The following RBFOX1 variants were observed in gnomAD, a reference collection of about 807,000 sequenced individuals.
The protein encoded by RBFOX1 is RNA binding protein fox-1 homolog 1.
Under a neutral mutation model 57.7 loss-of-function variants are expected in RBFOX1, and 8 were observed. The ratio of observed to expected loss-of-function variants is 0.14; its 90% CI spans 0.08 to 0.25. The LOEUF is 0.25. Among genes scored for constraint, RBFOX1 ranks in the 10% least tolerant of loss-of-function variants. The pLI, the probability that RBFOX1 is intolerant of heterozygous loss-of-function variation, is 1.00. For synonymous variants in RBFOX1, 326 were observed against 222.4 expected (o/e 1.47, Z -4.15); for missense variants, 611 against 548.5 (o/e 1.11, Z -1.14).
intron 1 of RBFOX1, among the ~76,000 whole-genome samples, chr16:6,198,622 C>T (rs1336468830): frequency 6.6e-6 from 1 of 152,044 alleles, no homozygotes; most frequent in Non-Finnish European, 1.5e-5. Context: ...TTTAAATAGA[C>T]TTTTATGATT....
At chr16:6,595,732 C>G (rs1200092787) in intron 2 of RBFOX1, among the ~76,000 whole-genome samples, 1 of 152,080 alleles carries the variant, frequency 6.6e-6, no homozygotes, top group African/African-American at 2.4e-5. Flanking sequence ...TATTATTTCT[C>G]TTTGACAATA....
At chr16:6,872,898 A>G (rs941775255) in intron 3 of RBFOX1, among the ~76,000 whole-genome samples, 1 of 152,210 alleles carries the variant, frequency 6.6e-6, no homozygotes, top group African/African-American at 2.4e-5. Flanking sequence ...TGCTATTAGG[A>G]AGAAAGCCAT....
chr16:5,540,931 C>T (rs1206605577), intron 2 of RBFOX1, among the ~76,000 whole-genome samples: 4 of 151,822 alleles, frequency 2.6e-5, no homozygotes, highest in East Asian at 3.9e-4. Flanking sequence ...CTCACTGCAA[C>T]CTCCACCTCC....
intron 4 of RBFOX1, among the ~76,000 whole-genome samples, chr16:7,240,319 A>C (rs139860756): frequency 6.6e-6 from 1 of 152,120 alleles, no homozygotes; most frequent in African/African-American, 2.4e-5. Flanking sequence ...AGCAGTGTTC[A>C]TCAGGTAGTG....
At chr16:6,509,486 A>G (rs2096201741) in intron 2 of RBFOX1, among the ~76,000 whole-genome samples, 1 of 152,184 alleles carries the variant, frequency 6.6e-6, no homozygotes, top group South Asian at 2.1e-4. Flanking sequence ...AACACTTAAA[A>G]TAATTGAACT....
At chr16:5,548,313 C>G (rs1451955423) in intron 2 of RBFOX1, among the ~76,000 whole-genome samples, 2 of 150,350 alleles carry the variant, frequency 1.3e-5, no homozygotes, top group African/African-American at 4.9e-5. Flanking sequence ...ATTTGTACTG[C>G]AAACTTCAGT....
At chr16:6,807,480 G>A (rs75335234) in intron 3 of RBFOX1, among the ~76,000 whole-genome samples, 3,026 of 152,176 alleles carry the variant, frequency 0.02, 106 homozygotes, top group African/African-American at 0.07. Flanking sequence ...GGGGTCCTGA[G>A]TTCTGCACTC....
intron 3 of RBFOX1, among the ~76,000 whole-genome samples, chr16:6,788,936 C>G (rs1209191323): frequency 1.3e-5 from 2 of 152,144 alleles, no homozygotes; most frequent in Admixed American, 6.5e-5. Flanking sequence ...TTCCCGAGTT[C>G]CTCCTAGCAT....
At chr16:7,307,514 A>G (rs1180140150) in intron 4 of RBFOX1, among the ~76,000 whole-genome samples, 1 of 152,230 alleles carries the variant, frequency 6.6e-6, no homozygotes, top group Non-Finnish European at 1.5e-5. Flanking sequence ...TATTTGACTT[A>G]TCCTGTTTCA....
At chr16:6,935,228 G>T (rs562417985) in intron 3 of RBFOX1, among the ~76,000 whole-genome samples, 127 of 152,284 alleles carry the variant, frequency 8.3e-4, no homozygotes, top group African/African-American at 2.8e-3. Flanking sequence ...CAGAATTAGG[G>T]GAGGCAGCAG....
chr16:6,738,112 G>C (rs1464277166), intron 3 of RBFOX1, among the ~76,000 whole-genome samples: 1 of 148,060 alleles, frequency 6.8e-6, no homozygotes, highest in Non-Finnish European at 1.5e-5. Flanking sequence ...TTTTCCTCTT[G>C]TCAAGATGGT....
chr16:6,186,155 C>G (rs1238568384), intron 1 of RBFOX1, among the ~76,000 whole-genome samples: 1 of 152,078 alleles, frequency 6.6e-6, no homozygotes, highest in African/African-American at 2.4e-5. Context: ...CTCAACAAAA[C>G]AATGCCAAAA....
intron 1 of RBFOX1, among the ~76,000 whole-genome samples, chr16:5,258,413 A>G (rs1596322558): frequency 7.5e-6 from 1 of 133,542 alleles, no homozygotes; most frequent in Non-Finnish European, 1.6e-5. Flanking sequence ...ACATGAGGGC[A>G]TTTTTTATAT....
At chr16:6,331,545 C>A (rs11639607) in intron 2 of RBFOX1, among the ~76,000 whole-genome samples, 19,034 of 147,764 alleles carry the variant, frequency 0.13, 1,226 homozygotes, top group African/African-American at 0.14. Context: ...CTCTCTCTCT[C>A]TATATATATA....
At chr16:6,295,675 G>C (rs546023109) in intron 1 of RBFOX1, among the ~76,000 whole-genome samples, 1 of 152,188 alleles carries the variant, frequency 6.6e-6, no homozygotes, top group Admixed American at 6.5e-5. Context: ...CTGGAATGAA[G>C]CTGGTGATCC....
intron 4 of RBFOX1, among the ~76,000 whole-genome samples, chr16:7,494,286 A>G (rs1296802886): frequency 6.6e-6 from 1 of 152,148 alleles, no homozygotes; most frequent in African/African-American, 2.4e-5. Context: ...TTCAGAACCA[A>G]AGCTCAATTC....
chr16:7,175,528 G>A lies in RBFOX1; in HGVS notation c.27+123430G>A, dbSNP rs574336054. On this transcript the variant is annotated intron_variant, in intron 4 of 15. Transcript: ENST00000550418. ...TCATACTCATTGAGCCTATGGGCTG[G>A]TTGTGTGAACATGCCACAGGTAGGC... 1.6e-4 allele frequency among the ~76,000 whole-genome samples: 24 copies of A among 152,260 alleles called. No homozygotes were observed. In the East Asian group the frequency reaches 4.1e-3, roughly 26 times the overall value.
chr16:7,632,076 T>C (rs758840889), intron 11 of RBFOX1, among the ~76,000 whole-genome samples: 3 of 152,058 alleles, frequency 2.0e-5, no homozygotes, highest in African/African-American at 7.2e-5. Flanking sequence ...CTCCCACTGA[T>C]TTTTGTATTT....
In RBFOX1 at chr16:5,698,411, A is replaced by T. The variant is rs551321190; in HGVS notation, c.318+99450A>T. The stretch of plus-strand genomic sequence containing the variant: ...TGATCATTACTTCTATTTTATGGTT[A>T]TTGGCTTATTGTAGTTTCCTTACTT... On this transcript the variant is annotated intron_variant, in intron 3 of 19. Transcript: ENST00000641259. Among the ~76,000 whole-genome samples, 16 of 152,170 alleles carry T rather than the reference A, an allele frequency of 1.1e-4. 2 individuals are homozygous for T. In the South Asian group the frequency reaches 3.1e-3, roughly 30 times the overall value.
Sources: allele counts gnomAD v4.1 joint callset (sites outside exome capture counted in the v4.1 genomes callset), GRCh38; gene constraint gnomAD v4.1.1; transcripts MANE v1.5; gene names NCBI Gene and HGNC (gene_info 2026-07-23, HGNC 2026-07-21).